The following MIR2052HG variants were observed in gnomAD, a reference collection of about 807,000 sequenced individuals.
MIR2052HG encodes MIR2052 host gene.
At position 74,604,326 on chromosome 8, in the gene MIR2052HG, G is replaced by T. The variant is rs1808074806; in HGVS notation, n.128+4418G>T. 4.8e-6 allele frequency: 3 copies of T among 626,080 alleles called. No individual in the cohort carries two copies. The South Asian group carries it at 4.8e-5, about 10-fold the overall frequency. 38.8% of individuals were successfully genotyped at this position (626,080 alleles called of 1,614,324 possible). On this transcript the variant is annotated intron_variant and non_coding_transcript_variant, in intron 1 of 6. Coordinates refer to ENST00000523442, the Ensembl canonical transcript of MIR2052HG. ...GGGGGGTGAAAGCCAAAAACTGCTGGCGCGAGGCGACTGAGGGGAAAAGGG... is the reference window on the plus strand; with the variant it reads ...GGGGGGTGAAAGCCAAAAACTGCTGTCGCGAGGCGACTGAGGGGAAAAGGG...
intron 2 of MIR2052HG, among the ~76,000 whole-genome samples, chr8:74,667,070 T>A (rs1808937137): frequency 6.6e-6 from 1 of 152,214 alleles, no homozygotes; most frequent in African/African-American, 2.4e-5. Context: ...CAAAAGCTCA[T>A]GCAAGAGGGA....
intron 2 of MIR2052HG, among the ~76,000 whole-genome samples, chr8:74,637,295 G>A (rs1808593603): frequency 6.6e-6 from 1 of 152,132 alleles, no homozygotes; most frequent in Non-Finnish European, 1.5e-5. Context: ...AAAGAGGTTG[G>A]AGATAGGACT....
At chr8:74,604,297 T>C in intron 1 of MIR2052HG, 1 of 709,734 alleles carries the variant, frequency 1.4e-6, no homozygotes, top group Non-Finnish European at 2.6e-6. Context: ...CTTTGGTCAC[T>C]GATGGGGGGT....
At chr8:74,660,094 G>T (rs1808845453) in intron 2 of MIR2052HG, among the ~76,000 whole-genome samples, 1 of 152,100 alleles carries the variant, frequency 6.6e-6, no homozygotes, top group East Asian at 1.9e-4. Context: ...GAGCATCATG[G>T]CAAATGGAAT....
intron 2 of MIR2052HG, among the ~76,000 whole-genome samples, chr8:74,621,879 C>T (rs1808366305): frequency 6.6e-6 from 1 of 152,296 alleles, no homozygotes; most frequent in South Asian, 2.1e-4. Context: ...CCTTATCTTA[C>T]ACCATGTACA....
chr8:74,612,921 A>T, exon 2 of MIR2052HG: 1 of 456,248 alleles, frequency 2.2e-6, no homozygotes, highest in South Asian at 1.5e-5. Flanking sequence ...CCAGAAAAGG[A>T]TCCAGAACTG....
At chr8:74,689,397 C>T (rs533347273) in intron 2 of MIR2052HG, among the ~76,000 whole-genome samples, 13 of 152,208 alleles carry the variant, frequency 8.5e-5, no homozygotes, top group South Asian at 4.2e-4. Context: ...GATTGTGAAA[C>T]GCCATTAATA....
At chr8:74,670,287 A>AACTTAAAAAAATG (rs1252861962) in intron 2 of MIR2052HG, among the ~76,000 whole-genome samples, 12 of 134,662 alleles carry the variant, frequency 8.9e-5, no homozygotes, top group African/African-American at 4.1e-4. Context: ...ACAAAAATAT[A>AACTTAAAAAAATG]TTAACTGGCT....
At chr8:74,632,968 T>G (rs1365033) in intron 2 of MIR2052HG, among the ~76,000 whole-genome samples, 68,013 of 151,884 alleles carry the variant, frequency 0.45, 15,651 homozygotes, top group East Asian at 0.66. Context: ...GGACTCAACT[T>G]TGATAATTCC....
intron 2 of MIR2052HG, among the ~76,000 whole-genome samples, chr8:74,701,519 G>T (rs138108828): frequency 6.6e-6 from 1 of 151,918 alleles, no homozygotes; most frequent in Admixed American, 6.6e-5. Flanking sequence ...CTCCATAGAG[G>T]GTGTTTAGTT....
intron 4 of MIR2052HG, among the ~76,000 whole-genome samples, chr8:74,751,528 T>A (rs1197903443): frequency 6.6e-6 from 1 of 152,182 alleles, no homozygotes; most frequent in Non-Finnish European, 1.5e-5. Context: ...GAAAATGTTG[T>A]GACCAGAGGC....
intron 2 of MIR2052HG, among the ~76,000 whole-genome samples, chr8:74,675,458 A>G (rs1809040597): frequency 6.6e-6 from 1 of 152,068 alleles, no homozygotes; most frequent in South Asian, 2.1e-4. Context: ...TTATATGCCA[A>G]TACTCTGCCA....
rs1216179936 is a variant in MIR2052HG at position 74,701,745 on chromosome 8, G to T, written n.217-634G>T. Among the ~76,000 whole-genome samples, 4 of 152,220 alleles carry T rather than the reference G, an allele frequency of 2.6e-5. 1 individual carries two copies. In the East Asian group the frequency reaches 7.7e-4, roughly 29 times the overall value. On this transcript the variant is annotated intron_variant and non_coding_transcript_variant, in intron 2 of 6. Coordinates refer to ENST00000523442, the Ensembl canonical transcript of MIR2052HG. ...ATCAATTAGCCAAAGTCAGTTTTAT[G>T]CATTTACAATCAAGGATTTAACTTC...
rs553827286 is a variant in MIR2052HG at position 74,695,633 on chromosome 8, G to C, written n.217-6746G>C. Reference sequence around the variant, plus strand: ...GCGGAAAATGTTATTCCATGCAAATGGACACCAAAAGTGAGCAGGAGTAGC... The same window carrying C: ...GCGGAAAATGTTATTCCATGCAAATCGACACCAAAAGTGAGCAGGAGTAGC... On this transcript the variant is annotated intron_variant and non_coding_transcript_variant, in intron 2 of 6. Coordinates refer to ENST00000523442, the Ensembl canonical transcript of MIR2052HG. 5.3e-5 allele frequency among the ~76,000 whole-genome samples: 8 copies of C among 151,782 alleles called. No individual in the cohort carries two copies. In the East Asian group the frequency reaches 1.6e-3, roughly 29 times the overall value.
At chr8:74,673,359 T>C (rs1214993366) in intron 2 of MIR2052HG, among the ~76,000 whole-genome samples, 1 of 152,060 alleles carries the variant, frequency 6.6e-6, no homozygotes, top group Non-Finnish European at 1.5e-5. Flanking sequence ...CTTTTCTTTC[T>C]ACATTTAGTG....
At chr8:74,643,180 C>G (rs1349374931) in intron 2 of MIR2052HG, among the ~76,000 whole-genome samples, 1 of 152,182 alleles carries the variant, frequency 6.6e-6, no homozygotes, top group Non-Finnish European at 1.5e-5. Flanking sequence ...CACTCCCAAC[C>G]TGGTTGCCTT....
chr8:74,682,984 A>G (rs982147661), intron 2 of MIR2052HG, among the ~76,000 whole-genome samples: 3 of 152,188 alleles, frequency 2.0e-5, no homozygotes, highest in Admixed American at 2.0e-4. Flanking sequence ...GGAGTTTTAG[A>G]AGTCTGTATA....
intron 4 of MIR2052HG, among the ~76,000 whole-genome samples, chr8:74,737,341 G>C (rs543052396): frequency 1.3e-5 from 2 of 152,168 alleles, no homozygotes; most frequent in Admixed American, 1.3e-4. Context: ...TTTTGGCCCA[G>C]GAAGATTCTG....
At chr8:74,755,433 TA>T (rs2128757133) in intron 5 of MIR2052HG, among the ~76,000 whole-genome samples, 1 of 152,356 alleles carries the variant, frequency 6.6e-6, no homozygotes, top group Admixed American at 6.5e-5. Context: ...TTAGCCATTG[TA>T]GTTAACATTG....
Sources: allele counts gnomAD v4.1 joint callset (sites outside exome capture counted in the v4.1 genomes callset), GRCh38; gene constraint gnomAD v4.1.1; transcripts MANE v1.5; gene names NCBI Gene and HGNC (gene_info 2026-07-23, HGNC 2026-07-21).